YWHAE: variants seen among roughly 807,000 people sequenced by gnomAD.
The protein encoded by YWHAE is tyrosine 3-monooxygenase/tryptophan 5-monooxygenase activation protein epsilon.
In YWHAE, 4 loss-of-function variants were observed where a neutral mutation model predicts 30.1. That is an observed-to-expected ratio of 0.13 (90% CI 0.07 to 0.30). YWHAE has a LOEUF of 0.30. Ranked by LOEUF, YWHAE falls within the 10% of genes least tolerant of loss-of-function variation. The pLI, the probability that YWHAE is intolerant of heterozygous loss-of-function variation, is 1.00. For missense variants in YWHAE, 121 were observed against 315.9 expected (o/e 0.38, Z 4.68); for synonymous variants, 118 against 111.8 (o/e 1.06, Z -0.35).
intron 1 of YWHAE, among the ~76,000 whole-genome samples, chr17:1,375,657 A>G (rs1285816711): frequency 1.3e-5 from 2 of 152,222 alleles, no homozygotes; most frequent in Admixed American, 1.3e-4. Flanking sequence ...TCACAAGTTA[A>G]TTAAACATAG....
chr17:1,391,669 A>G (rs544194064), intron 1 of YWHAE, among the ~76,000 whole-genome samples: 33 of 152,320 alleles, frequency 2.2e-4, no homozygotes, highest in African/African-American at 7.7e-4. Flanking sequence ...CAATTTGGAT[A>G]TATCAATACC....
intron 1 of YWHAE, among the ~76,000 whole-genome samples, chr17:1,381,306 G>A (rs1598261794): frequency 6.6e-6 from 1 of 152,062 alleles, no homozygotes; most frequent in East Asian, 1.9e-4. Flanking sequence ...CCTGAGGTCA[G>A]GAGTTCGAGA....
intron 5 of YWHAE, among the ~76,000 whole-genome samples, chr17:1,349,620 T>TA (rs899079068): frequency 5.9e-5 from 9 of 151,316 alleles, no homozygotes; most frequent in African/African-American, 1.9e-4. Context: ...TCACTAGATT[T>TA]TTTTTTTTTT....
rs202084215 is a variant in YWHAE, at chr17:1,361,318, A to G, written c.372-20T>C. 10 of 145,018 alleles carry G rather than the reference A, an allele frequency of 6.9e-5. No homozygotes were observed. The highest frequency in any genetic ancestry group is 4.6e-4 in the Admixed American group (1 of 2,160). 9.0% of individuals were successfully genotyped at this position (145,018 alleles called of 1,614,324 possible). On this transcript the variant is annotated intron_variant, in intron 3 of 5. Transcript: ENST00000264335. Reference sequence around the variant, plus strand: ...CCTTTCCTAAAACAAAACCAAAATTAAAAAAAAAAAAAAAATTTAAACTAG... The same window carrying G: ...CCTTTCCTAAAACAAAACCAAAATTGAAAAAAAAAAAAAAATTTAAACTAG...
chr17:1,382,844 G>A (rs573770882), intron 1 of YWHAE, among the ~76,000 whole-genome samples: 2 of 152,052 alleles, frequency 1.3e-5, no homozygotes, highest in East Asian at 3.9e-4. Flanking sequence ...GGCCAACCTG[G>A]CGAAACCCCA....
chr17:1,355,172 T>G (rs1339627081), intron 4 of YWHAE, among the ~76,000 whole-genome samples: 7 of 36,108 alleles, frequency 1.9e-4, no homozygotes, highest in African/African-American at 5.5e-4. Context: ...TTTTTTTTTT[T>G]GGGGGACGGG....
chr17:1,387,994 C>T (rs1383508719), intron 1 of YWHAE, among the ~76,000 whole-genome samples: 3 of 143,758 alleles, frequency 2.1e-5, no homozygotes. Context: ...GGCACTATCT[C>T]GGCTCACTGC....
chr17:1,380,343 C>A (rs2073187673), intron 1 of YWHAE, among the ~76,000 whole-genome samples: 1 of 152,068 alleles, frequency 6.6e-6, no homozygotes, highest in Admixed American at 6.6e-5. Flanking sequence ...AACTCGTGAC[C>A]TCAGGTGATC....
Position 1,362,021 on chromosome 17 carries a change from A to C in YWHAE, c.265-13T>G. 4 of 1,521,720 alleles carry C rather than the reference A, an allele frequency of 2.6e-6. No individual in the cohort carries two copies. Among genetic ancestry groups the C allele is most frequent in the Non-Finnish European group, 3.5e-6 (4 of 1,135,818 alleles). The allele number at this position is 1,521,720 out of a possible 1,614,324, so 94.3% of individuals were successfully genotyped here. On this transcript the variant is annotated splice_polypyrimidine_tract_variant and intron_variant, in intron 2 of 5. Transcript: ENST00000264335. ...GCTCAGTCTCAACCTAAAAAAAAAAAAATTTTTTTTAAATCAGATTAAGTC... is the reference window on the plus strand; with the variant it reads ...GCTCAGTCTCAACCTAAAAAAAAAACAATTTTTTTTAAATCAGATTAAGTC...
At chr17:1,370,621 G>A (rs541491151) in intron 1 of YWHAE, among the ~76,000 whole-genome samples, 2 of 152,220 alleles carry the variant, frequency 1.3e-5, no homozygotes, top group Admixed American at 6.5e-5. Context: ...AGTAGAGACG[G>A]GGTTTCAGCA....
At chr17:1,362,917 T>A (rs1019974213) in intron 2 of YWHAE, among the ~76,000 whole-genome samples, 1 of 152,136 alleles carries the variant, frequency 6.6e-6, no homozygotes, top group African/African-American at 2.4e-5. Flanking sequence ...GACTGCTCTA[T>A]TACTCCAAAC....
At chr17:1,380,837 C>A (rs961946169) in intron 1 of YWHAE, among the ~76,000 whole-genome samples, 3 of 152,198 alleles carry the variant, frequency 2.0e-5, no homozygotes, top group Non-Finnish European at 2.9e-5. Context: ...ACTCTCCCAA[C>A]ATCCAAATCT....
At position 1,354,200 on chromosome 17, in the gene YWHAE, T is replaced by A; in HGVS notation, c.715+11A>T. On this transcript the variant is annotated intron_variant, in intron 5 of 5. Transcript: ENST00000264335. ...TGAAAGAGGTGCCTGTTTCACTCCGTGCTTGCTTACCGTCACCCTGCATGT... is the reference window on the plus strand; with the variant it reads ...TGAAAGAGGTGCCTGTTTCACTCCGAGCTTGCTTACCGTCACCCTGCATGT... 1 of 1,611,750 alleles carries A rather than the reference T, an allele frequency of 6.2e-7. No individual in the cohort carries two copies. The highest frequency in any genetic ancestry group is 8.5e-7 in the Non-Finnish European group (1 of 1,179,196).
intron 5 of YWHAE, among the ~76,000 whole-genome samples, chr17:1,353,750 C>G: frequency 8.6e-6 from 1 of 116,574 alleles, no homozygotes; most frequent in Admixed American, 9.7e-5. Flanking sequence ...GGTGTCGCAG[C>G]AAGACTCCGT....
chr17:1,350,929 C>T (rs533684337), intron 5 of YWHAE, among the ~76,000 whole-genome samples: 46 of 150,016 alleles, frequency 3.1e-4, no homozygotes, highest in African/African-American at 1.1e-3. Flanking sequence ...TATGGTGGCG[C>T]ACGCCTGTAA....
chr17:1,358,608 C>T lies in YWHAE; in HGVS notation c.578+2484G>A, dbSNP rs568238193. ...TAATCCCAGCACTTTGGGAGGGAGGCTGAGGTCAGGAGTTTGAGACCAGCC... is the reference window on the plus strand; with the variant it reads ...TAATCCCAGCACTTTGGGAGGGAGGTTGAGGTCAGGAGTTTGAGACCAGCC... On this transcript the variant is annotated intron_variant, in intron 4 of 5. Coordinates refer to ENST00000264335, the MANE Select transcript of YWHAE (RefSeq NM_006761.5). Among the ~76,000 whole-genome samples the T allele has an allele frequency of 5.0e-4, 76 of 151,510 alleles. 2 individuals carry two copies. The South Asian group carries it at 0.015, about 30-fold the overall frequency.
chr17:1,377,272 C>A (rs2073140735), intron 1 of YWHAE, among the ~76,000 whole-genome samples: 1 of 152,080 alleles, frequency 6.6e-6, no homozygotes, highest in African/African-American at 2.4e-5. Flanking sequence ...TAAAGTCACA[C>A]AATGGTAAAA....
chr17:1,353,936 T>C (rs975565861), intron 5 of YWHAE, among the ~76,000 whole-genome samples: 1 of 152,092 alleles, frequency 6.6e-6, no homozygotes, highest in Non-Finnish European at 1.5e-5. Flanking sequence ...CCCCCTAAAA[T>C]TGAATTGAAT....
intron 5 of YWHAE, among the ~76,000 whole-genome samples, chr17:1,346,603 C>A (rs1180492519): frequency 6.6e-6 from 1 of 152,186 alleles, no homozygotes; most frequent in Non-Finnish European, 1.5e-5. Flanking sequence ...GTTTTCAAAT[C>A]TCTTCTGCGG....
Sources: allele counts gnomAD v4.1 joint callset (sites outside exome capture counted in the v4.1 genomes callset), GRCh38; gene constraint gnomAD v4.1.1; transcripts MANE v1.5; gene names NCBI Gene and HGNC (gene_info 2026-07-23, HGNC 2026-07-21).